TRIM24: variants seen among roughly 807,000 people sequenced by gnomAD.
TRIM24 encodes the protein tripartite motif containing 24.
In TRIM24, 29 loss-of-function variants were observed where a neutral mutation model predicts 123.9. The ratio of observed to expected loss-of-function variants is 0.23; its 90% confidence interval spans 0.17 to 0.32. The LOEUF (loss-of-function observed/expected upper bound fraction) is 0.32, where lower values mean the gene tolerates loss of function less well. Among genes scored for constraint, TRIM24 ranks in the 10% least tolerant of loss-of-function variants. The pLI is 1.00. For synonymous variants in TRIM24, 456 were observed against 461.1 expected (o/e 0.99, Z 0.14); for missense variants, 932 against 1,295.3 (o/e 0.72, Z 4.31).
At chr7:138,570,061 C>T (rs1469607419) in intron 10 of TRIM24, among the ~76,000 whole-genome samples, 2 of 151,782 alleles carry the variant, frequency 1.3e-5, no homozygotes, top group Non-Finnish European at 2.9e-5. Context: ...GATTCTCCTG[C>T]CACAGCCTCC....
rs771145214 is a variant in TRIM24 at position 138,554,930 on chromosome 7, G to T, written c.1494G>T (p.Met498Ile). The T allele has an allele frequency of 3.3e-5, 53 of 1,614,018 alleles. No homozygotes were observed. Among genetic ancestry groups the T allele is most frequent in the Non-Finnish European group, 4.3e-5 (51 of 1,179,996 alleles). The change falls in exon 9 of 19, where the codon ATG becomes ATT. Residue 498 changes from methionine to isoleucine, a missense_variant. Around this residue, in one of 7 missense-constraint regions of TRIM24, gnomAD observed 527 missense variants for 691.3 expected, o/e 0.76. Coordinates refer to ENST00000343526, the MANE Select transcript of TRIM24 (RefSeq NM_015905.3). The surrounding 1 kb of genome is among the most constrained non-coding windows in gnomAD (Gnocchi z 4.5). ...PAPVGLPNPR[M>I]QGPIQQPSIS... The stretch of plus-strand genomic sequence containing the variant: ...CTGTGGGTTTACCAAACCCTAGAAT[G>T]CAGGGGCCCATCCAGCAACCTTCCA...
chr7:138,503,065 T>G (rs1452267392), intron 1 of TRIM24, among the ~76,000 whole-genome samples: 1 of 152,210 alleles, frequency 6.6e-6, no homozygotes, highest in Non-Finnish European at 1.5e-5. Flanking sequence ...CCCCCAATAG[T>G]TGTTGCAGCA....
intron 3 of TRIM24, 116 bp from the exon 4 acceptor site, chr7:138,519,073 A>G (rs1051502020): frequency 6.7e-6 from 8 of 1,192,820 alleles, no homozygotes; most frequent in South Asian, 1.4e-5. Flanking sequence ...ATGGTATAGT[A>G]TAGGTGAAGC....
chr7:138,550,322 T>G (rs1797185942), intron 7 of TRIM24, among the ~76,000 whole-genome samples: 1 of 147,948 alleles, frequency 6.8e-6, no homozygotes, highest in Non-Finnish European at 1.5e-5. Flanking sequence ...GTTGATGGTG[T>G]GTGTGTGTGT....
At chr7:138,560,461 G>A (rs900223046) in intron 9 of TRIM24, among the ~76,000 whole-genome samples, 1 of 152,162 alleles carries the variant, frequency 6.6e-6, no homozygotes, top group South Asian at 2.1e-4. Context: ...CCTCTGGCTC[G>A]GGGCAGCTCA....
intron 1 of TRIM24, among the ~76,000 whole-genome samples, chr7:138,477,706 A>G (rs1179442342): frequency 6.6e-6 from 1 of 152,180 alleles, no homozygotes; most frequent in African/African-American, 2.4e-5. Context: ...TTCAGGTTTC[A>G]TGTGAGGTAA....
chr7:138,473,786 ACAAT>A (rs1795330055), intron 1 of TRIM24, among the ~76,000 whole-genome samples: 1 of 152,136 alleles, frequency 6.6e-6, no homozygotes, highest in Non-Finnish European at 1.5e-5. Flanking sequence ...ACTTCTTTTG[ACAAT>A]CAAATTGCCC....
At position 138,460,295 on chromosome 7, in the gene TRIM24, C is replaced by T. The variant is rs1050880682; in HGVS notation, c.-254C>T. ...GCGCCTCGGCGGTTGGCGAAGCGGACGGGGTGCAGCCTCCCCGGTGCGAGG... is the reference window on the plus strand; with the variant it reads ...GCGCCTCGGCGGTTGGCGAAGCGGATGGGGTGCAGCCTCCCCGGTGCGAGG... On this transcript the variant is annotated 5_prime_UTR_variant, in exon 1 of 19. In the 5' UTR this introduces an upstream ATG that the reference lacks. Transcript: ENST00000343526. The T allele has an allele frequency of 2.4e-4, 90 of 380,484 alleles. No individual in the cohort carries two copies. Among genetic ancestry groups the T allele is most frequent in the African/African-American group, 1.8e-3 (86 of 48,000 alleles). The allele number at this position is 380,484 out of a possible 1,614,324, so 23.6% of individuals were successfully genotyped here.
chr7:138,565,407 G>A (rs1797515733), intron 9 of TRIM24, among the ~76,000 whole-genome samples: 1 of 147,810 alleles, frequency 6.8e-6, no homozygotes, highest in South Asian at 2.2e-4. Context: ...GTAGTGCACT[G>A]TTCCTGGAAT....
chr7:138,463,989 C>CTTTTTTTTTTTTTTTGTTT (rs1795073412), intron 1 of TRIM24, among the ~76,000 whole-genome samples: 1 of 50,766 alleles, frequency 2.0e-5, no homozygotes, highest in Non-Finnish European at 3.6e-5. Flanking sequence ...AAAATTTAGA[C>CTTTTTTTTTTTTTTTGTTT]TTTTTTTTTT....
At chr7:138,517,880 C>G (rs1165943046) in intron 3 of TRIM24, among the ~76,000 whole-genome samples, 3 of 152,156 alleles carry the variant, frequency 2.0e-5, no homozygotes, top group African/African-American at 7.2e-5. Context: ...TTCTCTCTCG[C>G]ATTTATTAAA....
intron 2 of TRIM24, among the ~76,000 whole-genome samples, chr7:138,511,273 TG>T (rs1563040101): frequency 6.7e-6 from 1 of 150,296 alleles, no homozygotes; most frequent in African/African-American, 2.4e-5. Flanking sequence ...CAAAAGAGGG[TG>T]GGAGGTGCCA....
At chr7:138,520,546 T>A (rs1796485695) in intron 4 of TRIM24, among the ~76,000 whole-genome samples, 1 of 152,120 alleles carries the variant, frequency 6.6e-6, no homozygotes, top group African/African-American at 2.4e-5. Context: ...AAAAATTAGC[T>A]GGGCAAAGTG....
intron 1 of TRIM24, among the ~76,000 whole-genome samples, chr7:138,467,587 C>T (rs956381584): frequency 2.0e-5 from 3 of 152,066 alleles, no homozygotes; most frequent in African/African-American, 4.8e-5. Flanking sequence ...GTGATCTGCC[C>T]GCCTCGGCCT....
rs527856753 is a variant in TRIM24, at chr7:138,565,295, G to A, written c.1531-2186G>A. ...CCCTGACTTTGCAAGCCACTCTCAC[G>A]TCCTGTGTTTGACCACTAGTTACAC... is the stretch of plus-strand genomic sequence containing the variant. On this transcript the variant is annotated intron_variant, in intron 9 of 18. Transcript: ENST00000343526. Among the ~76,000 whole-genome samples, 12 of 152,258 alleles carry A rather than the reference G, an allele frequency of 7.9e-5. No individual in the cohort carries two copies. The East Asian group carries it at 9.7e-4, about 12-fold the overall frequency.
chr7:138,526,077 C>G (rs1363056823), intron 5 of TRIM24, among the ~76,000 whole-genome samples: 1 of 152,136 alleles, frequency 6.6e-6, no homozygotes, highest in Non-Finnish European at 1.5e-5. Flanking sequence ...GTTTTACACA[C>G]AAAAGAAATG....
In TRIM24 at chr7:138,584,010, G is replaced by A; in HGVS notation, c.2943+11G>A. The stretch of plus-strand genomic sequence containing the variant: ...GCTGAATTCAATGAGGTGAGGCTAG[G>A]GGAGGGAAGGGGGCAGGAAGGAACA... On this transcript the variant is annotated intron_variant, in intron 18 of 18. Transcript: ENST00000343526. 1.3e-6 allele frequency: 2 copies of A among 1,594,994 alleles called. No individual in the cohort carries two copies. The highest frequency in any genetic ancestry group is 2.3e-5 in the East Asian group (1 of 44,276).
intron 1 of TRIM24, among the ~76,000 whole-genome samples, chr7:138,474,128 CTTT>C (rs71177990): frequency 1.5e-5 from 2 of 137,242 alleles, no homozygotes; most frequent in African/African-American, 2.7e-5. Context: ...TGTACTTTTT[CTTT>C]TTTTTTTTTT....
intron 1 of TRIM24, among the ~76,000 whole-genome samples, chr7:138,489,296 G>A (rs995766197): frequency 1.3e-4 from 20 of 152,168 alleles, no homozygotes; most frequent in African/African-American, 4.3e-4. Context: ...CTTGACTCTC[G>A]ATCCAATTTG....
Sources: gnomAD v4.1 joint callset for allele counts (sites outside exome capture counted in the v4.1 genomes callset) on GRCh38, gnomAD v4.1.1 for gene constraint, gnomAD v4.1.1 regional missense constraint, Gnocchi (gnomAD v3.1) non-coding constraint, MANE v1.5 for transcripts, NCBI Gene and HGNC (gene_info 2026-07-23, HGNC 2026-07-21) for gene names.